Variants in CCDC88C observed in about 807,000 individuals in gnomAD.
CCDC88C encodes the protein coiled-coil and HOOK domain protein 88C, also known as protein Daple.
CCDC88C carries 131 observed loss-of-function variants against 198.8 expected under a neutral mutation model. The ratio of observed to expected loss-of-function variants is 0.66; its 90% CI spans 0.57 to 0.76. The LOEUF (loss-of-function observed/expected upper bound fraction) is 0.76. CCDC88C is among the 30% of genes least tolerant of loss of function. The pLI, the probability that CCDC88C is intolerant of heterozygous loss-of-function variation, is 0.00. For missense variants in CCDC88C, 2,553 were observed against 2,631.6 expected, an observed-to-expected ratio of 0.97 and a Z score of 0.65; for synonymous variants, 1,166 against 1,114.7, an observed-to-expected ratio of 1.05 and a Z score of -0.92.
Position 91,416,770 on chromosome 14 carries a change from G to A in CCDC88C, c.129C>T (p.Asp43=), listed in dbSNP as rs753543127. ...DNLTMYMDLV[D]GIFLNQIMLQ... is the part of the protein sequence containing the mutation. ...GCATAATTTGGTTCAAAAAGATGCC[G>A]TCCACTAAATCCATGTACATAGTCA... is the stretch of plus-strand genomic sequence containing the variant. Residue 43 remains aspartate (D), a synonymous_variant, in exon 2 of 30, where the codon GAC becomes GAT. Transcript: ENST00000389857. The A allele has an allele frequency of 2.0e-5, 33 of 1,613,292 alleles. 1 individual carries two copies. Among genetic ancestry groups the A allele is most frequent in the Non-Finnish European group, 1.8e-5 (21 of 1,179,606 alleles).
intron 4 of CCDC88C, among the ~76,000 whole-genome samples, chr14:91,345,190 A>ATATATATATATTT (rs1246878587): frequency 4.2e-4 from 22 of 52,198 alleles, no homozygotes; most frequent in African/African-American, 1.7e-3. Context: ...ATATATATAT[A>ATATATATATATTT]TTTTTTTTTT....
At chr14:91,319,169 C>T (rs1191184392) in intron 13 of CCDC88C, among the ~76,000 whole-genome samples, 1 of 152,220 alleles carries the variant, frequency 6.6e-6, no homozygotes, top group Admixed American at 6.5e-5. Flanking sequence ...TACACCAGTG[C>T]CTCCACAGTG....
intron 15 of CCDC88C, among the ~76,000 whole-genome samples, chr14:91,310,353 C>T (rs1891765312): frequency 6.6e-6 from 1 of 152,064 alleles, no homozygotes; most frequent in Admixed American, 6.6e-5. Context: ...CCCTTGTAGA[C>T]ACTTTGAAAC....
In CCDC88C at chr14:91,272,907, C is replaced by T. The variant is rs748722869; in HGVS notation, c.5805G>A (p.Pro1935=). The T allele has an allele frequency of 3.0e-5, 48 of 1,579,430 alleles. No homozygotes were observed. The highest frequency in any genetic ancestry group is 2.2e-4 in the Admixed American group (12 of 55,740). Residue 1935 remains proline (P), a synonymous_variant, in exon 30 of 30, where the codon CCG becomes CCA. Coordinates refer to ENST00000389857, the MANE Select transcript of CCDC88C (RefSeq NM_001080414.4). ...QLLHFSPAAA[P]AARTKPKAPP... is the part of the protein sequence containing the mutation. ...GCGCCTTGGGCTTGGTCCTGGCAGC[C>T]GGGGCTGCAGCAGGTGAGAAGTGCA...
In CCDC88C at chr14:91,381,749, G is replaced by GT; in HGVS notation, c.271-22039_271-22038insA. Among the ~76,000 whole-genome samples, 2 of 152,126 alleles carry GT rather than the reference G, an allele frequency of 1.3e-5. No homozygotes were observed. The highest frequency in any genetic ancestry group is 4.8e-5 in the African/African-American group (2 of 41,422). On this transcript the variant is annotated intron_variant, in intron 3 of 29. Coordinates refer to ENST00000389857, the MANE Select transcript of CCDC88C (RefSeq NM_001080414.4). The surrounding 1 kb of genome is among the most constrained non-coding windows in gnomAD (Gnocchi z 4.2). ...CTTGGGAGGCTGAGGCAGGAGAATCGCTTGAACCCAGGAGGCAGAGGTTGC... is the reference window on the plus strand; with the variant it reads ...CTTGGGAGGCTGAGGCAGGAGAATCGTCTTGAACCCAGGAGGCAGAGGTTGC...
In CCDC88C at chr14:91,283,589, C is replaced by T. The variant is rs1189268701; in HGVS notation, c.4442-72G>A. 2.1e-6 allele frequency: 3 copies of T among 1,437,886 alleles called. No homozygotes were observed. In the African/African-American group the frequency reaches 4.2e-5, roughly 20 times the overall value. The allele number at this position is 1,437,886 out of a possible 1,614,324, so 89.1% of individuals were successfully genotyped here. A position where few individuals can be genotyped will look rare whatever the true frequency, so the allele number is the denominator to read the frequency against. On this transcript the variant is annotated intron_variant, in intron 25 of 29. Transcript: ENST00000389857. Reference sequence around the variant, plus strand: ...CCCAGGCTGGGAAACCACACCATGGCCTAGAAGCAGGGCAGCAGGGCATGA... The same window carrying T: ...CCCAGGCTGGGAAACCACACCATGGTCTAGAAGCAGGGCAGCAGGGCATGA...
rs1266778895 is a variant in CCDC88C, at chr14:91,359,580, G to C, written c.340+62C>G. ...GGCAGCCGGAGCTCGATGGCCAGCAGCTGCCCAACGCCATGCCTCTGGCTG... is the reference window on the plus strand; with the variant it reads ...GGCAGCCGGAGCTCGATGGCCAGCACCTGCCCAACGCCATGCCTCTGGCTG... On this transcript the variant is annotated intron_variant, in intron 4 of 29. Transcript: ENST00000389857. 6 of 1,357,916 alleles carry C rather than the reference G, an allele frequency of 4.4e-6. No homozygotes were observed. The African/African-American group carries it at 8.6e-5, about 20-fold the overall frequency. 84.1% of individuals were successfully genotyped at this position (1,357,916 alleles called of 1,614,324 possible).
chr14:91,394,335 G>A (rs1201910122), intron 3 of CCDC88C, among the ~76,000 whole-genome samples: 1 of 152,158 alleles, frequency 6.6e-6, no homozygotes, highest in Non-Finnish European at 1.5e-5. Context: ...CTCCATACCG[G>A]TTTACCCCTG....
chr14:91,381,201 C>T lies in CCDC88C; in HGVS notation c.271-21490G>A, dbSNP rs1001644680. 6.6e-6 allele frequency among the ~76,000 whole-genome samples: 1 copy of T among 152,104 alleles called. No individual in the cohort carries two copies. The highest frequency in any genetic ancestry group is 1.5e-5 in the Non-Finnish European group (1 of 68,016). ...TGAAAGGTGTGGGGCTTTCCCGGTA[C>T]GGTCTGAGTCTCCTGTCCCCCAGCT... On this transcript the variant is annotated intron_variant, in intron 3 of 29. Transcript: ENST00000389857. This position sits in a 1 kb window ranked among gnomAD's most constrained non-coding sequence, Gnocchi z 4.2.
intron 3 of CCDC88C, among the ~76,000 whole-genome samples, chr14:91,369,192 C>T (rs1006840578): frequency 1.2e-4 from 18 of 152,212 alleles, no homozygotes; most frequent in African/African-American, 4.3e-4. Flanking sequence ...CCGCCCCAAA[C>T]CTTCAATAAC....
chr14:91,317,149 T>C (rs532821924), intron 13 of CCDC88C, among the ~76,000 whole-genome samples: 1 of 152,316 alleles, frequency 6.6e-6, no homozygotes, highest in Admixed American at 6.5e-5. Flanking sequence ...ATGACTTCAA[T>C]ACAAAGCTAC....
chr14:91,310,082 C>G (rs891099498), intron 15 of CCDC88C, 96 bp from the exon 16 acceptor site: 1 of 1,290,852 alleles, frequency 7.7e-7, no homozygotes, highest in Non-Finnish European at 1.0e-6. Flanking sequence ...ACTGTCCTCC[C>G]GGGCCACGGC....
At chr14:91,364,288 G>A (rs967594317) in intron 3 of CCDC88C, among the ~76,000 whole-genome samples, 1 of 152,190 alleles carries the variant, frequency 6.6e-6, no homozygotes, top group Non-Finnish European at 1.5e-5. Context: ...AGGGTAGATT[G>A]CACTCCTCCC....
At chr14:91,296,764 T>C (rs1891023681) in intron 22 of CCDC88C, among the ~76,000 whole-genome samples, 1 of 152,178 alleles carries the variant, frequency 6.6e-6, no homozygotes, top group Non-Finnish European at 1.5e-5. Context: ...GAGACCTACG[T>C]GCTCCTCCCT....
intron 25 of CCDC88C, among the ~76,000 whole-genome samples, chr14:91,285,172 C>T (rs911017199): frequency 3.3e-5 from 5 of 152,208 alleles, no homozygotes; most frequent in South Asian, 2.1e-4. Flanking sequence ...AGGGCCTTAC[C>T]GGAAAAGGCC....
Position 91,292,219 on chromosome 14 carries a change from G to A in CCDC88C, c.4113-1135C>T, listed in dbSNP as rs569272400. Among the ~76,000 whole-genome samples, 8 of 152,320 alleles carry A rather than the reference G, an allele frequency of 5.3e-5. No homozygotes were observed. The South Asian group carries it at 1.2e-3, about 24-fold the overall frequency. Reference sequence around the variant, plus strand: ...CCGTGTGCTGGTGTTCTGTGCTCACGGCCGTGCTGCTGAGCCTTAAGCCTT... The same window carrying A: ...CCGTGTGCTGGTGTTCTGTGCTCACAGCCGTGCTGCTGAGCCTTAAGCCTT... On this transcript the variant is annotated intron_variant, in intron 23 of 29. Transcript: ENST00000389857.
At chr14:91,304,831 A>G (rs958546641) in intron 19 of CCDC88C, among the ~76,000 whole-genome samples, 1 of 152,256 alleles carries the variant, frequency 6.6e-6, no homozygotes, top group Non-Finnish European at 1.5e-5. Context: ...AAAATTCAAA[A>G]TAGTAAGTCA....
intron 3 of CCDC88C, among the ~76,000 whole-genome samples, chr14:91,366,199 CACAG>C (rs1894533465): frequency 7.1e-6 from 1 of 141,116 alleles, no homozygotes; most frequent in Non-Finnish European, 1.5e-5. Flanking sequence ...CACACACACA[CACAG>C]GGCTGGGCAT....
At chr14:91,397,352 G>A (rs371106371) in intron 3 of CCDC88C, among the ~76,000 whole-genome samples, 3 of 152,186 alleles carry the variant, frequency 2.0e-5, no homozygotes, top group Non-Finnish European at 4.4e-5. Context: ...AATGATGGCC[G>A]CTCCTGAAAC....
Sources: allele counts gnomAD v4.1 joint callset (sites outside exome capture counted in the v4.1 genomes callset), GRCh38; gene constraint gnomAD v4.1.1; non-coding constraint Gnocchi (gnomAD v3.1); transcripts MANE v1.5; gene names NCBI Gene and HGNC (gene_info 2026-07-23, HGNC 2026-07-21).